The following FCER1A variants were observed in gnomAD, a reference collection of about 807,000 sequenced individuals.
FCER1A encodes the protein Fc epsilon receptor Ia.
FCER1A carries 24 observed loss-of-function variants against 23.6 expected under a neutral mutation model. The observed-to-expected ratio is 1.02, with a 90% CI of 0.74 to 1.43. FCER1A has a LOEUF of 1.43. Ranked by LOEUF, FCER1A falls within the 40% of genes most tolerant of loss-of-function variation. The pLI, the probability that FCER1A is intolerant of heterozygous loss-of-function variation, is 0.00. For missense variants in FCER1A, 318 were observed against 294.5 expected (o/e 1.08, Z -0.58); for synonymous variants, 121 against 108.8 (o/e 1.11, Z -0.70).
At chr1:159,296,414 G>T (rs977181643) in intron 1 of FCER1A, among the ~76,000 whole-genome samples, 1 of 152,118 alleles carries the variant, frequency 6.6e-6, no homozygotes, top group Non-Finnish European at 1.5e-5. Context: ...ATGAGAATAA[G>T]GTATTGGTGA....
At chr1:159,286,023 C>A (rs781543505), upstream of FCER1A, among the ~76,000 whole-genome samples, 1 of 151,882 alleles carries the variant, frequency 6.6e-6, no homozygotes, top group African/African-American at 2.4e-5. Flanking sequence ...AACACAATCT[C>A]TACCAAAAAT....
At chr1:159,290,071 G>T (rs922509364) in intron 1 of FCER1A, among the ~76,000 whole-genome samples, 1 of 152,094 alleles carries the variant, frequency 6.6e-6, no homozygotes, top group African/African-American at 2.4e-5. Flanking sequence ...GAATACCTTT[G>T]TAGGTTCTCC....
At chr1:159,289,321 G>A (rs1260994432), upstream of FCER1A, among the ~76,000 whole-genome samples, 1 of 152,250 alleles carries the variant, frequency 6.6e-6, no homozygotes, top group South Asian at 2.1e-4. Flanking sequence ...AGCCACCTTA[G>A]GACCAAATTG....
chr1:159,297,310 C>T (rs1012568417), intron 1 of FCER1A, among the ~76,000 whole-genome samples: 1 of 152,106 alleles, frequency 6.6e-6, no homozygotes, highest in African/African-American at 2.4e-5. Context: ...GCTGTGTGAT[C>T]CTGGCTGCAT....
upstream of FCER1A, among the ~76,000 whole-genome samples, chr1:159,285,838 A>G (rs1440466642): frequency 2.0e-5 from 3 of 152,190 alleles, no homozygotes; most frequent in Non-Finnish European, 4.4e-5. Context: ...AGCTGATTTC[A>G]AAATACTATA....
chr1:159,287,634 G>C (rs1296546070), upstream of FCER1A, among the ~76,000 whole-genome samples: 2 of 149,784 alleles, frequency 1.3e-5, no homozygotes, highest in African/African-American at 4.9e-5. Context: ...ATATGTACAT[G>C]TAGATAAACA....
chr1:159,304,555 T>C (rs1652542085), intron 3 of FCER1A, among the ~76,000 whole-genome samples: 1 of 152,076 alleles, frequency 6.6e-6, no homozygotes. Context: ...TGCAGTGAGC[T>C]GAGATCACGC....
chr1:159,301,948 T>C (rs991084103), upstream of FCER1A, among the ~76,000 whole-genome samples: 2 of 152,210 alleles, frequency 1.3e-5, no homozygotes, highest in African/African-American at 4.8e-5. Context: ...ATAAATGAAA[T>C]ATCAGATTTA....
chr1:159,286,514 A>C (rs954532377), upstream of FCER1A, among the ~76,000 whole-genome samples: 1 of 151,888 alleles, frequency 6.6e-6, no homozygotes, highest in African/African-American at 2.4e-5. Flanking sequence ...TTGTATTTTT[A>C]GTAGGGACAG....
upstream of FCER1A, among the ~76,000 whole-genome samples, chr1:159,300,094 A>G (rs1332816693): frequency 6.6e-5 from 10 of 152,082 alleles, no homozygotes; most frequent in African/African-American, 2.2e-4. Flanking sequence ...CCTTTATTTC[A>G]ATACCGGGCA....
intron 1 of FCER1A, among the ~76,000 whole-genome samples, chr1:159,291,059 G>T (rs1652138635): frequency 6.8e-6 from 1 of 147,544 alleles, no homozygotes; most frequent in Non-Finnish European, 1.5e-5. Context: ...GTTGAAACAA[G>T]ATTTTTTTCT....
upstream of FCER1A, among the ~76,000 whole-genome samples, chr1:159,301,966 T>A (rs777726639): frequency 3.9e-5 from 6 of 152,238 alleles, no homozygotes; most frequent in Non-Finnish European, 7.3e-5. Context: ...TTATTTAGGA[T>A]AACACCTGGC....
At chr1:159,286,044 G>A (rs769971299), upstream of FCER1A, among the ~76,000 whole-genome samples, 21 of 151,720 alleles carry the variant, frequency 1.4e-4, no homozygotes, top group Admixed American at 2.6e-4. Context: ...ACAAAAATTA[G>A]CAGGACGTGG....
chr1:159,292,674 C>A (rs1481759731), intron 1 of FCER1A, among the ~76,000 whole-genome samples: 1 of 152,084 alleles, frequency 6.6e-6, no homozygotes, highest in Non-Finnish European at 1.5e-5. Context: ...TACACATATA[C>A]TATACATATA....
At chr1:159,300,009 G>T (rs1368131219), upstream of FCER1A, among the ~76,000 whole-genome samples, 6 of 151,954 alleles carry the variant, frequency 3.9e-5, no homozygotes, top group Admixed American at 3.9e-4. Context: ...TGGGTAGTTT[G>T]GTTGCTTTTT....
At position 159,306,016 on chromosome 1, in the gene FCER1A, G is replaced by A. The variant is rs1206078496; in HGVS notation, c.360G>A (p.Glu120=). 2.5e-6 allele frequency: 4 copies of A among 1,613,888 alleles called. No individual in the cohort carries two copies. Among genetic ancestry groups the A allele is most frequent in the Non-Finnish European group, 3.4e-6 (4 of 1,179,888 alleles). Residue 120 remains glutamate (E), a synonymous_variant, in exon 4 of 5, where the codon GAG becomes GAA. Coordinates refer to ENST00000693622, the MANE Select transcript of FCER1A (RefSeq NM_001387280.1). ...GGCTGCTCCTTCAGGCCTCTGCTGA[G>A]GTGGTGATGGAGGGCCAGCCCCTCT... ...SDWLLLQASA[E]VVMEGQPLFL... is the part of the protein sequence containing the mutation.
chr1:159,302,595 C>A (rs1557969247), intron 1 of FCER1A, among the ~76,000 whole-genome samples, 176 bp downstream of exon 1: 1 of 152,190 alleles, frequency 6.6e-6, no homozygotes, highest in Non-Finnish European at 1.5e-5. Flanking sequence ...GTGGGCTGAG[C>A]AACACCTAAG....
intron 4 of FCER1A, 60 bp from the exon 5 acceptor site, chr1:159,307,688 C>T: frequency 1.1e-5 from 14 of 1,310,960 alleles, no homozygotes; most frequent in Non-Finnish European, 1.4e-5. Flanking sequence ...AAACTCTGAA[C>T]CTCATTTTTC....
At chr1:159,303,644 G>T (rs1382988595) in intron 2 of FCER1A, among the ~76,000 whole-genome samples, 3 of 152,208 alleles carry the variant, frequency 2.0e-5, no homozygotes, top group African/African-American at 7.2e-5. Flanking sequence ...GAAATTAACA[G>T]AAGTAGAGTG....
Sources: gnomAD v4.1 joint callset for allele counts (sites outside exome capture counted in the v4.1 genomes callset) on GRCh38, gnomAD v4.1.1 for gene constraint, MANE v1.5 for transcripts, NCBI Gene and HGNC (gene_info 2026-07-23, HGNC 2026-07-21) for gene names.